Variants in ORC5 observed in about 807,000 individuals in gnomAD.
ORC5 encodes the protein protein phosphatase 1, regulatory subunit 117.
In ORC5, 39 loss-of-function variants were observed where a neutral mutation model predicts 58.8. That is an observed-to-expected ratio of 0.66 (90% CI 0.51 to 0.87). The LOEUF (loss-of-function observed/expected upper bound fraction) is 0.87, where lower values mean the gene tolerates loss of function less well. ORC5 is among the 40% of genes least tolerant of loss of function. The pLI, the probability that ORC5 is intolerant of heterozygous loss-of-function variation, is 0.00. For synonymous variants in ORC5, 218 were observed against 177.6 expected, an observed-to-expected ratio of 1.23 and a Z score of -1.81; for missense variants, 493 against 506.3, an observed-to-expected ratio of 0.97 and a Z score of 0.25.
chr7:104,204,257 T>C (rs1280937465), intron 1 of ORC5, 23 bp from the exon 2 acceptor site: 1 of 1,311,674 alleles, frequency 7.6e-7, no homozygotes, highest in Non-Finnish European at 1.1e-6. Context: ...AAGACAAATA[T>C]GAGGCTGCAC....
intron 12 of ORC5, among the ~76,000 whole-genome samples, chr7:104,157,921 A>T (rs1798953700): frequency 6.6e-6 from 1 of 152,094 alleles, no homozygotes; most frequent in South Asian, 2.1e-4. Flanking sequence ...TTGCTTTTCA[A>T]ACCTTTCTTC....
chr7:104,193,593 A>T (rs1009967940), intron 5 of ORC5, among the ~76,000 whole-genome samples: 3 of 152,100 alleles, frequency 2.0e-5, no homozygotes, highest in Non-Finnish European at 2.9e-5. Flanking sequence ...TCAAGTTATT[A>T]CGACAAGGTA....
At position 104,200,915 on chromosome 7, in the gene ORC5, C is replaced by G. The variant is rs762661679; in HGVS notation, c.209G>C (p.Arg70Thr). ...GTTTAAAATTTGTTCCAAAAGCAGCCTCAATGTAAAGCATTCAACACAATT... is the reference window on the plus strand; with the variant it reads ...GTTTAAAATTTGTTCCAAAAGCAGCGTCAATGTAAAGCATTCAACACAATT... Reference protein sequence around the residue: ...FVNCVECFTLRLLLEQILNKL... With the variant: ...FVNCVECFTLTLLLEQILNKL... Residue 70 changes from arginine (R) to threonine (T), a missense_variant, in exon 3 of 14, where the codon AGG becomes ACG. By Grantham distance (71) the Arg-to-Thr change is moderately conservative. This residue lies in a region of ORC5 where 412 missense variants were observed against 403.7 expected (regional missense o/e 1.02). Coordinates refer to ENST00000297431, the MANE Select transcript of ORC5 (RefSeq NM_002553.4). The G allele has an allele frequency of 8.1e-6, 13 of 1,613,568 alleles. No individual in the cohort carries two copies. The highest frequency in any genetic ancestry group is 2.7e-5 in the African/African-American group (2 of 74,914).
At chr7:104,197,853 A>C in intron 3 of ORC5, 54 bp from the exon 4 acceptor site, 1 of 1,141,780 alleles carries the variant, frequency 8.8e-7, no homozygotes. Context: ...AAGCCTTTAC[A>C]AAATGACATG....
At chr7:104,207,551 TCTAGGAG>T (rs1800120641) in intron 1 of ORC5, among the ~76,000 whole-genome samples, 3 of 152,142 alleles carry the variant, frequency 2.0e-5, no homozygotes, top group Non-Finnish European at 4.4e-5. Flanking sequence ...ACAAGCAACT[TCTAGGAG>T]CTAATGTGGG....
chr7:104,168,586 TAAAAC>T (rs1160240974), intron 8 of ORC5, 61 bp from the exon 9 acceptor site: 11 of 1,087,520 alleles, frequency 1.0e-5, no homozygotes, highest in East Asian at 5.0e-5. Context: ...ATGGTGTACT[TAAAAC>T]AGAGCCCTAG....
chr7:104,162,476 T>C (rs543735614), intron 11 of ORC5, among the ~76,000 whole-genome samples: 9 of 152,344 alleles, frequency 5.9e-5, no homozygotes, highest in African/African-American at 2.2e-4. Context: ...ATAAGTACTT[T>C]ATATTAGCAA....
chr7:104,163,392 A>AT (rs1799055705), intron 11 of ORC5, among the ~76,000 whole-genome samples: 1 of 152,182 alleles, frequency 6.6e-6, no homozygotes, highest in Non-Finnish European at 1.5e-5. Context: ...TCATATCACT[A>AT]TGAGATGAAA....
At chr7:104,137,732 G>A (rs1425624326) in intron 12 of ORC5, among the ~76,000 whole-genome samples, 2 of 152,046 alleles carry the variant, frequency 1.3e-5, no homozygotes, top group African/African-American at 4.8e-5. Context: ...GGCCAAGAGC[G>A]GCTAGACTTC....
intron 5 of ORC5, among the ~76,000 whole-genome samples, chr7:104,192,674 A>G (rs987641449): frequency 6.6e-6 from 1 of 152,162 alleles, no homozygotes; most frequent in Non-Finnish European, 1.5e-5. Context: ...ATGGATACCC[A>G]AGATGGAGAA....
chr7:104,202,573 A>G (rs1291512578), intron 2 of ORC5: 1 of 452,890 alleles, frequency 2.2e-6, no homozygotes, highest in East Asian at 7.0e-5. Context: ...CAATAATCAT[A>G]TATTACACTG....
intron 12 of ORC5, among the ~76,000 whole-genome samples, chr7:104,146,564 TA>T (rs1584484019): frequency 6.6e-6 from 1 of 152,206 alleles, no homozygotes; most frequent in African/African-American, 2.4e-5. Context: ...TCCCAAGTGT[TA>T]TATACTATAT....
At chr7:104,163,658 T>C (rs942072119) in intron 11 of ORC5, among the ~76,000 whole-genome samples, 1 of 152,056 alleles carries the variant, frequency 6.6e-6, no homozygotes. Context: ...GGCTAATTTT[T>C]GTTTTTGTAT....
intron 8 of ORC5, among the ~76,000 whole-genome samples, chr7:104,179,518 G>C (rs1276419197): frequency 6.6e-6 from 1 of 151,412 alleles, no homozygotes; most frequent in Non-Finnish European, 1.5e-5. Context: ...CTAAAACTTT[G>C]GTCCACTATA....
At chr7:104,172,015 T>C (rs901061054) in intron 8 of ORC5, among the ~76,000 whole-genome samples, 3 of 152,230 alleles carry the variant, frequency 2.0e-5, no homozygotes, top group Admixed American at 6.5e-5. Context: ...AGTCAACGTA[T>C]CCCTTGTCCC....
chr7:104,188,545 A>G (rs1436848110), intron 5 of ORC5, among the ~76,000 whole-genome samples, 164 bp from the exon 6 acceptor site: 1 of 152,196 alleles, frequency 6.6e-6, no homozygotes, highest in East Asian at 1.9e-4. Flanking sequence ...GTGATTTGTG[A>G]TATAATAAAA....
intron 6 of ORC5, chr7:104,184,463 T>TA (rs148778994): frequency 9.1e-4 from 263 of 289,704 alleles, no homozygotes; most frequent in East Asian, 1.8e-3. Flanking sequence ...TGCTTCTTTC[T>TA]AAAAAAAAAT....
At chr7:104,152,860 T>G (rs1166850527) in intron 12 of ORC5, among the ~76,000 whole-genome samples, 1 of 152,140 alleles carries the variant, frequency 6.6e-6, no homozygotes, top group Non-Finnish European at 1.5e-5. Flanking sequence ...AAAGCATAAT[T>G]TATGCAATTT....
chr7:104,152,335 G>A (rs941138116), intron 12 of ORC5, among the ~76,000 whole-genome samples: 1 of 151,876 alleles, frequency 6.6e-6, no homozygotes, highest in African/African-American at 2.4e-5. Context: ...GTAGATACAG[G>A]GTCTCACTAT....
Sources: allele counts gnomAD v4.1 joint callset (sites outside exome capture counted in the v4.1 genomes callset), GRCh38; gene constraint gnomAD v4.1.1; regional missense constraint gnomAD v4.1.1; transcripts MANE v1.5; gene names NCBI Gene and HGNC (gene_info 2026-07-23, HGNC 2026-07-21).